The following ELAC2 variants were observed in gnomAD, a reference collection of about 807,000 sequenced individuals.
ELAC2 encodes zinc phosphodiesterase ELAC protein 2.
A neutral mutation model predicts 105.2 loss-of-function variants in ELAC2; 92 were observed. That is an observed-to-expected ratio of 0.87 (90% CI 0.74 to 1.04). The LOEUF (loss-of-function observed/expected upper bound fraction) is 1.04. ELAC2 is among the 50% of genes least tolerant of loss of function. The pLI is 0.00. For synonymous variants in ELAC2, 468 were observed against 409.1 expected (o/e 1.14, Z -1.74); for missense variants, 1,099 against 1,071.7 (o/e 1.03, Z -0.36).
Position 13,017,789 on chromosome 17 carries a change from G to T in ELAC2, c.159C>A (p.Gly53=). 3 of 1,608,304 alleles carry T rather than the reference G, an allele frequency of 1.9e-6. No individual in the cohort carries two copies. Among genetic ancestry groups the T allele is most frequent in the Non-Finnish European group, 1.7e-6 (2 of 1,178,084 alleles). The change falls in exon 1 of 24, where the codon GGC becomes GGA. Residue 53 remains glycine (G), a synonymous_variant. Coordinates refer to ENST00000338034, the MANE Select transcript of ELAC2 (RefSeq NM_018127.7). ...REKRGPSGCS[G]GPNTVYLQVV... ...CCTGCAGGTACACGGTGTTTGGGCCGCCGGAGCACCCCGACGGTCCGCGCT... is the reference window on the plus strand; with the variant it reads ...CCTGCAGGTACACGGTGTTTGGGCCTCCGGAGCACCCCGACGGTCCGCGCT...
At chr17:12,993,665 G>A in intron 23 of ELAC2, 22 bp downstream of exon 23, 1 of 1,614,012 alleles carries the variant, frequency 6.2e-7, no homozygotes, top group Non-Finnish European at 8.5e-7. Context: ...CCCGCCCTGT[G>A]CTGTCCGTGT....
chr17:13,005,084 C>T lies in ELAC2; in HGVS notation c.888G>A (p.Leu296=), dbSNP rs1372284506. 58 of 1,614,148 alleles carry T rather than the reference C, an allele frequency of 3.6e-5. No individual in the cohort carries two copies. The highest frequency in any genetic ancestry group is 4.8e-5 in the Non-Finnish European group (57 of 1,179,978). Residue 296 remains leucine (L), a synonymous_variant, in exon 11 of 24, where the codon CTG becomes CTA. Coordinates refer to ENST00000338034, the MANE Select transcript of ELAC2 (RefSeq NM_018127.7). The part of the protein sequence containing the change: ...HEGREILAEE[L]CTPPDPGAAF... The stretch of plus-strand genomic sequence containing the variant: ...CAGCACCAGGATCTGGAGGAGTACA[C>T]AGCTCTTCAGCCAAAATCTGCAAAA...
chr17:12,994,530 C>T (rs964399559), intron 21 of ELAC2, 27 bp from the exon 22 acceptor site: 3 of 1,613,918 alleles, frequency 1.9e-6, no homozygotes, highest in Non-Finnish European at 2.5e-6. Flanking sequence ...AGGATCAGGG[C>T]AGAGTTCTCT....
chr17:13,012,222 T>C (rs1280162811), intron 6 of ELAC2, among the ~76,000 whole-genome samples: 1 of 152,198 alleles, frequency 6.6e-6, no homozygotes, highest in Non-Finnish European at 1.5e-5. Flanking sequence ...GTTCACTCAC[T>C]GAGGGCCGCT....
chr17:13,004,299 G>A (rs866488288), intron 11 of ELAC2, among the ~76,000 whole-genome samples: 4 of 151,944 alleles, frequency 2.6e-5, no homozygotes, highest in Non-Finnish European at 4.4e-5. Flanking sequence ...AACTCCTAAC[G>A]CTCTGACTCG....
intron 4 of ELAC2, 26 bp downstream of exon 4, chr17:13,015,742 T>A (rs147705372): frequency 6.3e-7 from 1 of 1,599,860 alleles, no homozygotes; most frequent in Non-Finnish European, 8.6e-7. Flanking sequence ...AGATTGCTTT[T>A]GAAAGATGTG....
intron 15 of ELAC2, 45 bp downstream of exon 15, chr17:13,000,111 G>A (rs2040698707): frequency 1.3e-6 from 2 of 1,569,800 alleles, no homozygotes; most frequent in Non-Finnish European, 1.8e-6. Context: ...CAGCAGCAGG[G>A]GCAGAGCCCA....
intron 12 of ELAC2, 37 bp downstream of exon 12, chr17:13,003,442 A>ATTCT: frequency 1.3e-6 from 2 of 1,586,230 alleles, no homozygotes; most frequent in Non-Finnish European, 1.7e-6. Flanking sequence ...ACTGCCCAGA[A>ATTCT]GAGTTACCCC....
At chr17:13,007,879 A>AAAAT (rs1270675524) in intron 8 of ELAC2, among the ~76,000 whole-genome samples, 38 of 149,790 alleles carry the variant, frequency 2.5e-4, no homozygotes, top group Non-Finnish European at 5.0e-4. Context: ...CTCCGTCTCA[A>AAAAT]AAATAAATAA....
Position 12,993,833 on chromosome 17 carries a change from T to G in ELAC2, c.2109-2A>C. ...ACGCTGATGGCTTGGGACGTTGTGC[T>G]GCAGGTGAAGGACAGAGCAGACTGA... is the stretch of plus-strand genomic sequence containing the variant. On this transcript the variant is annotated splice_acceptor_variant, in intron 22 of 23. Transcript: ENST00000338034. LOFTEE classifies it high-confidence loss of function. 1 of 1,614,226 alleles carries G rather than the reference T, an allele frequency of 6.2e-7. No individual in the cohort carries two copies. Among genetic ancestry groups the G allele is most frequent in the Non-Finnish European group, 8.5e-7 (1 of 1,180,044 alleles).
intron 8 of ELAC2, among the ~76,000 whole-genome samples, chr17:13,008,412 TG>T (rs2041229491): frequency 6.6e-6 from 1 of 151,548 alleles, no homozygotes; most frequent in South Asian, 2.1e-4. Context: ...CTCGGGAGGC[TG>T]AGGCAGGAGA....
At chr17:13,006,169 G>C (rs2041097244) in intron 8 of ELAC2, 190 bp from the exon 9 acceptor site, 3 of 637,926 alleles carry the variant, frequency 4.7e-6, no homozygotes, top group Admixed American at 4.7e-5. Flanking sequence ...TCAGGAGTTT[G>C]AGACCAGCCT....
intron 8 of ELAC2, among the ~76,000 whole-genome samples, chr17:13,007,221 C>T (rs932727869): frequency 1.3e-5 from 2 of 151,644 alleles, no homozygotes; most frequent in Non-Finnish European, 1.5e-5. Flanking sequence ...AAAAAAATTT[C>T]ACACAAACAG....
intron 14 of ELAC2, among the ~76,000 whole-genome samples, chr17:13,001,948 A>G (rs970188894): frequency 2.0e-5 from 3 of 152,176 alleles, no homozygotes; most frequent in African/African-American, 7.2e-5. Context: ...CACATTTCCT[A>G]TTTTCTATAC....
intron 16 of ELAC2, 69 bp downstream of exon 16, chr17:12,998,343 C>G: frequency 6.9e-7 from 1 of 1,439,210 alleles, no homozygotes; most frequent in Non-Finnish European, 9.8e-7. Context: ...CTGGTGAGTA[C>G]AGCAGGACTT....
Position 12,991,736 on chromosome 17 carries a change from T to C in ELAC2, c.*1082A>G, listed in dbSNP as rs1387589220. On this transcript the variant is annotated 3_prime_UTR_variant, in exon 24 of 24. Transcript: ENST00000338034. Reference sequence around the variant, plus strand: ...GATGGAGCCTGAAGGTCACCACCTGTGTAAAGCCAGGTCCCTGGCTGATCT... The same window carrying C: ...GATGGAGCCTGAAGGTCACCACCTGCGTAAAGCCAGGTCCCTGGCTGATCT... 4.7e-6 allele frequency: 1 copy of C among 211,960 alleles called. No individual in the cohort carries two copies. The highest frequency in any genetic ancestry group is 2.3e-5 in the African/African-American group (1 of 44,094). 13.1% of individuals were successfully genotyped at this position (211,960 alleles called of 1,614,324 possible).
intron 16 of ELAC2, among the ~76,000 whole-genome samples, chr17:12,997,479 T>C (rs867658459): frequency 5.9e-5 from 9 of 152,128 alleles, no homozygotes; most frequent in Middle Eastern, 6.3e-3. Context: ...AAGGTGGCAA[T>C]AGCACCTTCC....
intron 8 of ELAC2, 106 bp downstream of exon 8, chr17:13,010,507 T>A (rs1406678513): frequency 5.9e-6 from 6 of 1,018,296 alleles, no homozygotes; most frequent in Non-Finnish European, 7.7e-6. Context: ...TCTCTTCTTG[T>A]CTCAGGTAAC....
intron 6 of ELAC2, among the ~76,000 whole-genome samples, chr17:13,012,647 C>T (rs1299958765): frequency 6.6e-6 from 1 of 152,152 alleles, no homozygotes; most frequent in African/African-American, 2.4e-5. Context: ...TTAGTTAGTA[C>T]TAACAAGGAA....
Sources: allele counts gnomAD v4.1 joint callset (sites outside exome capture counted in the v4.1 genomes callset), GRCh38; gene constraint gnomAD v4.1.1; transcripts MANE v1.5; gene names NCBI Gene and HGNC (gene_info 2026-07-23, HGNC 2026-07-21).